Variants in PTPN3 observed in about 807,000 individuals in gnomAD.
PTPN3 encodes tyrosine-protein phosphatase non-receptor type 3.
PTPN3 carries 96 observed loss-of-function variants against 132.7 expected under a neutral mutation model. The observed-to-expected ratio is 0.72, with a 90% confidence interval of 0.61 to 0.86. The LOEUF (loss-of-function observed/expected upper bound fraction) is 0.86, where lower values mean the gene tolerates loss of function less well. PTPN3 is among the 40% of genes least tolerant of loss of function. The pLI, the probability that PTPN3 is intolerant of heterozygous loss-of-function variation, is 0.00. For missense variants in PTPN3, 1,125 were observed against 1,159.6 expected, an observed-to-expected ratio of 0.97 and a Z score of 0.43; for synonymous variants, 398 against 429.0, an observed-to-expected ratio of 0.93 and a Z score of 0.89.
At chr9:109,424,149 G>GA (rs34455448) in intron 12 of PTPN3, among the ~76,000 whole-genome samples, 2 of 151,740 alleles carry the variant, frequency 1.3e-5, no homozygotes, top group Non-Finnish European at 2.9e-5. Context: ...GGGACTCTCT[G>GA]AAAAAAAAGT....
At chr9:109,397,927 A>G (rs144476607) in intron 19 of PTPN3, among the ~76,000 whole-genome samples, 2 of 143,592 alleles carry the variant, frequency 1.4e-5, no homozygotes, top group Admixed American at 1.5e-4. Flanking sequence ...TTTCCTTAAA[A>G]AACAAACAAA....
At chr9:109,504,603 G>A in the PTPN3 span, among the ~76,000 whole-genome samples, 1 of 152,130 alleles carries the variant, frequency 6.6e-6, no homozygotes, top group African/African-American at 2.4e-5. Flanking sequence ...GACCTTCAAG[G>A]ACACTTGTGG....
chr9:109,446,213 G>A (rs1020683516), intron 6 of PTPN3, among the ~76,000 whole-genome samples: 2 of 152,156 alleles, frequency 1.3e-5, no homozygotes, highest in Non-Finnish European at 2.9e-5. Flanking sequence ...CAGCAACACT[G>A]GGAGCCACTG....
chr9:109,498,398 T>A (rs1177904661), upstream of PTPN3: 1 of 147,646 alleles, frequency 6.8e-6, no homozygotes, highest in Non-Finnish European at 1.5e-5. This position sits in a 1 kb window ranked among gnomAD's most constrained non-coding sequence, Gnocchi z 4.2. Flanking sequence ...GCGTCCGGGC[T>A]GGCCTGCGGT....
chr9:109,484,410 G>A (rs920648973), intron 1 of PTPN3, among the ~76,000 whole-genome samples: 7 of 152,182 alleles, frequency 4.6e-5, no homozygotes, highest in African/African-American at 1.7e-4. Context: ...ATGGTCCCAG[G>A]CTCACCACCT....
At chr9:109,387,389 T>C (rs373672568) in intron 22 of PTPN3, among the ~76,000 whole-genome samples, 3 of 152,282 alleles carry the variant, frequency 2.0e-5, no homozygotes, top group Middle Eastern at 3.4e-3. Context: ...TTATAGAGCT[T>C]TGTGCTGCCT....
intron 7 of PTPN3, among the ~76,000 whole-genome samples, chr9:109,443,932 T>G (rs1410694222): frequency 6.6e-6 from 1 of 152,144 alleles, no homozygotes; most frequent in Non-Finnish European, 1.5e-5. Flanking sequence ...GGTGGGTGGG[T>G]AAGCTGCAGG....
chr9:109,532,832 A>T, the PTPN3 span: 2 of 970,258 alleles, frequency 2.1e-6, no homozygotes, highest in Non-Finnish European at 2.7e-6. Flanking sequence ...GTCGGAATTT[A>T]CTCAGCCCCG....
chr9:109,414,051 C>T (rs1339678026), intron 14 of PTPN3, among the ~76,000 whole-genome samples: 1 of 152,146 alleles, frequency 6.6e-6, no homozygotes, highest in South Asian at 2.1e-4. Context: ...TCTCCTAGTA[C>T]TCGGAACACA....
chr9:109,465,474 C>A (rs1299269519), intron 1 of PTPN3, among the ~76,000 whole-genome samples: 1 of 152,114 alleles, frequency 6.6e-6, no homozygotes, highest in Non-Finnish European at 1.5e-5. Context: ...CTTTGGGAGG[C>A]TGAAGCAGAC....
At chr9:109,533,564 C>T in the PTPN3 span, 1 of 1,598,170 alleles carries the variant, frequency 6.3e-7, no homozygotes, top group Admixed American at 1.7e-5. Context: ...GCCGTCCTCT[C>T]TAGGCTGTCT....
At chr9:109,448,242 G>T (rs1011965329) in intron 6 of PTPN3, among the ~76,000 whole-genome samples, 14 of 152,270 alleles carry the variant, frequency 9.2e-5, no homozygotes, top group African/African-American at 3.1e-4. Flanking sequence ...TGGGGGTGCG[G>T]TGAAGAGACT....
At chr9:109,408,237 G>C in intron 17 of PTPN3, 84 bp downstream of exon 17, 1 of 1,154,964 alleles carries the variant, frequency 8.7e-7, no homozygotes, top group Non-Finnish European at 1.2e-6. Context: ...GGCAAAAAAA[G>C]AAACAGGACT....
At chr9:109,494,528 C>T (rs748105005) in intron 1 of PTPN3, among the ~76,000 whole-genome samples, 3 of 152,124 alleles carry the variant, frequency 2.0e-5, no homozygotes, top group Non-Finnish European at 2.9e-5. Context: ...TGCTGTTTTG[C>T]CTGCCCTAAA....
chr9:109,457,459 C>T (rs1244462401), intron 2 of PTPN3, 60 bp from the exon 3 acceptor site: 8 of 1,368,328 alleles, frequency 5.8e-6, no homozygotes, highest in Non-Finnish European at 8.2e-6. Flanking sequence ...GTAAAAACAT[C>T]TTTACTGTAG....
At chr9:109,499,116 C>T (rs1178830291), upstream of PTPN3, among the ~76,000 whole-genome samples, 2 of 151,200 alleles carry the variant, frequency 1.3e-5, no homozygotes, top group East Asian at 3.9e-4. Flanking sequence ...AAATTCTGTC[C>T]CCCAGTGGAG....
At position 109,389,304 on chromosome 9, in the gene PTPN3, A is replaced by G; in HGVS notation, c.2182T>C (p.Phe728Leu). The change falls in exon 22 of 26, where the codon TTT becomes CTT. Residue 728 changes from phenylalanine (F) to leucine (L), a missense_variant. By Grantham distance (22) the Phe-to-Leu change is conservative. Transcript: ENST00000374541. ...QGPLPHTCAQ[F>L]WQVVWDQKLS... ...TTCTGATCCCAGACAACCTGCCAAA[A>G]CTGTGCACAGGTATGCGGCAGGGGC... 1.9e-6 allele frequency: 3 copies of G among 1,614,134 alleles called. No homozygotes were observed. In the South Asian group the frequency reaches 3.3e-5, roughly 18 times the overall value.
intron 14 of PTPN3, among the ~76,000 whole-genome samples, chr9:109,410,976 G>A (rs995178134): frequency 6.6e-6 from 1 of 152,164 alleles, no homozygotes; most frequent in African/African-American, 2.4e-5. Flanking sequence ...TTCCTCTATC[G>A]AATATAGTTT....
At chr9:109,514,912 TGA>T in the PTPN3 span, among the ~76,000 whole-genome samples, 1 of 152,320 alleles carries the variant, frequency 6.6e-6, no homozygotes. Flanking sequence ...CCCAGAAGAA[TGA>T]GAAAAAATGT....
Sources: allele counts gnomAD v4.1 joint callset (sites outside exome capture counted in the v4.1 genomes callset), GRCh38; gene constraint gnomAD v4.1.1; non-coding constraint Gnocchi (gnomAD v3.1); transcripts MANE v1.5; gene names NCBI Gene and HGNC (gene_info 2026-07-23, HGNC 2026-07-21).